The following CERS3 variants were observed in gnomAD, a reference collection of about 807,000 sequenced individuals.
The protein encoded by CERS3 is LAG1 homolog, ceramide synthase 3.
In CERS3, 33 loss-of-function variants were observed where a neutral mutation model predicts 50.3. That is an observed-to-expected ratio of 0.66 (90% CI 0.50 to 0.88). The LOEUF (loss-of-function observed/expected upper bound fraction) is 0.88, where lower values mean the gene tolerates loss of function less well. CERS3 is among the 40% of genes least tolerant of loss of function. The probability of loss-of-function intolerance (pLI) is 0.00; values close to 1 mark genes in which losing one functional copy is unlikely to be tolerated. For synonymous variants in CERS3, 176 were observed against 155.2 expected (o/e 1.13, Z -0.99); for missense variants, 470 against 460.3 (o/e 1.02, Z -0.19).
chr15:100,441,576 T>C (rs772352239), intron 11 of CERS3, among the ~76,000 whole-genome samples: 2 of 152,022 alleles, frequency 1.3e-5, no homozygotes, highest in African/African-American at 2.4e-5. Context: ...TAGCCTGTGT[T>C]CTCAAAAACC....
intron 11 of CERS3, among the ~76,000 whole-genome samples, chr15:100,433,484 T>C (rs527885483): frequency 6.6e-6 from 1 of 152,318 alleles, no homozygotes; most frequent in Admixed American, 6.5e-5. Context: ...TGGCAGCCCA[T>C]ATCCAGTAAC....
Position 100,402,729 on chromosome 15 carries a change from C to T in CERS3, c.1136G>A (p.Gly379Asp). Residue 379 changes from glycine (G) to aspartate (D), a missense_variant, in exon 12 of 12, where the codon GGC (glycine) becomes GAC (aspartate). Physicochemically the swap from Gly to Asp is moderately conservative, Grantham distance 94 (BLOSUM62 -1). Coordinates refer to ENST00000679737, the MANE Select transcript of CERS3 (RefSeq NM_001378789.1). ...LRAERHLIPN[G>D]QHGH ...GGCTTCCAGCTAATGGCCATGCTGG[C>T]CATTGGGAATGAGGTGCCTCTCAGC... is the stretch of plus-strand genomic sequence containing the variant. 1 of 1,614,148 alleles carries T rather than the reference C, an allele frequency of 6.2e-7. No homozygotes were observed. The highest frequency in any genetic ancestry group is 8.5e-7 in the Non-Finnish European group (1 of 1,180,036).
At chr15:100,506,025 C>T (rs1415479596) in intron 2 of CERS3, among the ~76,000 whole-genome samples, 1 of 152,070 alleles carries the variant, frequency 6.6e-6, no homozygotes, top group African/African-American at 2.4e-5. Flanking sequence ...CTCTGTGAGC[C>T]TATGGGGTGT....
At chr15:100,530,418 G>A (rs1567687277), upstream of CERS3, among the ~76,000 whole-genome samples, 1 of 152,200 alleles carries the variant, frequency 6.6e-6, no homozygotes, top group Non-Finnish European at 1.5e-5. Context: ...ACACAACAGT[G>A]GGCAGCTTCT....
At chr15:100,533,313 T>A (rs1351490473), upstream of CERS3, among the ~76,000 whole-genome samples, 3 of 152,128 alleles carry the variant, frequency 2.0e-5, no homozygotes, top group Non-Finnish European at 4.4e-5. Context: ...AGGACGGAAT[T>A]TTCGTCTGCC....
intron 2 of CERS3, among the ~76,000 whole-genome samples, chr15:100,513,336 T>C (rs2036400349): frequency 6.6e-6 from 1 of 152,134 alleles, no homozygotes; most frequent in Non-Finnish European, 1.5e-5. Flanking sequence ...TGAGTCCACC[T>C]CTGTCTGGAG....
chr15:100,504,239 C>CTTTT (rs55640205), intron 2 of CERS3, among the ~76,000 whole-genome samples: 5 of 109,984 alleles, frequency 4.5e-5, no homozygotes, highest in East Asian at 2.6e-4. Flanking sequence ...TTGGACTATT[C>CTTTT]TTTTTTTTTT....
intron 11 of CERS3, among the ~76,000 whole-genome samples, chr15:100,405,202 T>C (rs926036530): frequency 5.6e-5 from 8 of 142,028 alleles, no homozygotes; most frequent in Non-Finnish European, 1.1e-4. Context: ...CCAATTTGTA[T>C]GCATAATAAA....
intron 11 of CERS3, among the ~76,000 whole-genome samples, chr15:100,441,184 G>A (rs929094674): frequency 9.3e-5 from 14 of 151,186 alleles, no homozygotes; most frequent in Non-Finnish European, 1.3e-4. Flanking sequence ...TCTGCACCCC[G>A]ACCTCTTATC....
intron 2 of CERS3, among the ~76,000 whole-genome samples, chr15:100,505,989 G>A (rs1198689167): frequency 2.0e-5 from 3 of 152,218 alleles, no homozygotes; most frequent in Admixed American, 2.0e-4. Flanking sequence ...ACTCCAGCCT[G>A]AGTGACAGAA....
At chr15:100,463,545 G>T (rs1267868628) in intron 10 of CERS3, among the ~76,000 whole-genome samples, 1 of 152,102 alleles carries the variant, frequency 6.6e-6, no homozygotes, top group Admixed American at 6.5e-5. Flanking sequence ...TTGAAGAGGG[G>T]TGATTGTTGT....
intron 9 of CERS3, 49 bp from the exon 10 acceptor site, chr15:100,469,533 T>A (rs2034896823): frequency 2.3e-6 from 3 of 1,281,174 alleles, no homozygotes; most frequent in Non-Finnish European, 3.4e-6. Context: ...GCCTACATTT[T>A]TAAAGTTAAA....
chr15:100,484,118 C>T lies in CERS3; in HGVS notation c.407+432G>A, dbSNP rs796352388. ...TCTCAGTGTTCTGAGAGGGAACACA[C>T]GTCCTTGCAGACATTCTCTGCTCTT... On this transcript the variant is annotated intron_variant, in intron 5 of 11. Coordinates refer to ENST00000679737, the MANE Select transcript of CERS3 (RefSeq NM_001378789.1). 6.6e-5 allele frequency among the ~76,000 whole-genome samples: 10 copies of T among 152,170 alleles called. No homozygotes were observed. In the South Asian group the frequency reaches 1.0e-3, roughly 16 times the overall value.
Position 100,452,377 on chromosome 15 carries a change from C to T in CERS3, c.999+3516G>A, listed in dbSNP as rs2034204023. ...TTAAACTTTGAAAACTGTATGAATA[C>T]ATGGAAAAAAACATGCTCCAAAATG... is the stretch of plus-strand genomic sequence containing the variant. On this transcript the variant is annotated intron_variant, in intron 11 of 11. Coordinates refer to ENST00000679737, the MANE Select transcript of CERS3 (RefSeq NM_001378789.1). 2.6e-5 allele frequency among the ~76,000 whole-genome samples: 4 copies of T among 151,942 alleles called. No individual in the cohort carries two copies. The South Asian group carries it at 8.3e-4, about 32-fold the overall frequency.
intron 1 of CERS3, among the ~76,000 whole-genome samples, chr15:100,522,553 T>G (rs1380358616): frequency 6.6e-6 from 1 of 152,254 alleles, no homozygotes; most frequent in African/African-American, 2.4e-5. Context: ...TAAATACGAT[T>G]GTTTTGAGCA....
At chr15:100,498,435 T>TA (rs1389654724) in intron 3 of CERS3, among the ~76,000 whole-genome samples, 1 of 152,102 alleles carries the variant, frequency 6.6e-6, no homozygotes, top group Non-Finnish European at 1.5e-5. Flanking sequence ...GAAAGAAACT[T>TA]AGAGATTAGC....
chr15:100,445,707 A>T (rs762403943), intron 11 of CERS3, among the ~76,000 whole-genome samples: 1 of 152,140 alleles, frequency 6.6e-6, no homozygotes, highest in African/African-American at 2.4e-5. Flanking sequence ...AACATCGCCC[A>T]TTATATCTCC....
intron 11 of CERS3, among the ~76,000 whole-genome samples, chr15:100,451,864 C>A (rs1256814695): frequency 2.6e-5 from 4 of 151,808 alleles, no homozygotes; most frequent in Non-Finnish European, 4.4e-5. Context: ...GACTTTAATT[C>A]AAAAAACAGT....
Position 100,401,099 on chromosome 15 carries a change from C to T in CERS3, c.*1614G>A, listed in dbSNP as rs2030486631. ...TAACGCAGTCTGTTCTGTGCAGTGT[C>T]CTTCCGGCTCCAGGGGCCCTGCAGC... On this transcript the variant is annotated 3_prime_UTR_variant, in exon 12 of 12. Transcript: ENST00000679737. 6.6e-6 allele frequency: 1 copy of T among 152,186 alleles called. No individual in the cohort carries two copies. Among genetic ancestry groups the T allele is most frequent in the Admixed American group, 6.5e-5 (1 of 15,270 alleles). 9.4% of individuals were successfully genotyped at this position (152,186 alleles called of 1,614,324 possible).
Sources: allele counts gnomAD v4.1 joint callset (sites outside exome capture counted in the v4.1 genomes callset), GRCh38; gene constraint gnomAD v4.1.1; transcripts MANE v1.5; gene names NCBI Gene and HGNC (gene_info 2026-07-23, HGNC 2026-07-21).